EPB41L4A: variants seen among roughly 807,000 people sequenced by gnomAD.
EPB41L4A encodes the protein band 4.1-like protein 4A.
Under a neutral mutation model 108.6 loss-of-function variants are expected in EPB41L4A, and 100 were observed. The ratio of observed to expected loss-of-function variants is 0.92; its 90% CI spans 0.78 to 1.09. EPB41L4A has a LOEUF of 1.09. Among genes scored for constraint, EPB41L4A ranks in the 50% least tolerant of loss-of-function variants. The pLI is 0.00. For missense variants in EPB41L4A, 1,030 were observed against 842.7 expected, an observed-to-expected ratio of 1.22 and a Z score of -2.75; for synonymous variants, 319 against 289.0, an observed-to-expected ratio of 1.10 and a Z score of -1.05.
intron 1 of EPB41L4A, among the ~76,000 whole-genome samples, chr5:112,380,514 CT>C (rs1561625292): frequency 1.3e-5 from 2 of 152,038 alleles, no homozygotes; most frequent in Non-Finnish European, 2.9e-5. Flanking sequence ...CATAATGCTA[CT>C]GCTTAAAAAT....
intron 2 of EPB41L4A, among the ~76,000 whole-genome samples, chr5:112,281,834 T>C (rs988124880): frequency 6.6e-6 from 1 of 152,204 alleles, no homozygotes; most frequent in African/African-American, 2.4e-5. Context: ...ACTATGACTA[T>C]GAATACAACT....
At chr5:112,262,939 C>T (rs1353719309) in intron 6 of EPB41L4A, among the ~76,000 whole-genome samples, 1 of 152,088 alleles carries the variant, frequency 6.6e-6, no homozygotes, top group East Asian at 1.9e-4. Context: ...CTCTGTGCAC[C>T]AGCAGCTCTC....
intron 2 of EPB41L4A, among the ~76,000 whole-genome samples, chr5:112,296,453 G>A (rs1390757495): frequency 1.3e-4 from 19 of 151,978 alleles, no homozygotes. Context: ...AAACCCAACT[G>A]AATGGTCTGA....
chr5:112,324,151 C>A (rs1455144487), intron 1 of EPB41L4A, among the ~76,000 whole-genome samples: 2 of 152,096 alleles, frequency 1.3e-5, no homozygotes, highest in Non-Finnish European at 2.9e-5. Context: ...CAGGAATTTA[C>A]AATTTAACTA....
At chr5:112,348,691 A>G (rs1217617906) in intron 1 of EPB41L4A, among the ~76,000 whole-genome samples, 1 of 152,178 alleles carries the variant, frequency 6.6e-6, no homozygotes, top group African/African-American at 2.4e-5. Context: ...GAGAAAACGA[A>G]CCTCAACAGT....
chr5:112,235,778 G>A (rs1749285953), intron 11 of EPB41L4A, among the ~76,000 whole-genome samples: 1 of 152,142 alleles, frequency 6.6e-6, no homozygotes, highest in African/African-American at 2.4e-5. Context: ...GGCTAAGTTG[G>A]GACGTGTGGT....
chr5:112,271,970 T>C (rs1430087117), intron 4 of EPB41L4A, among the ~76,000 whole-genome samples: 1 of 152,102 alleles, frequency 6.6e-6, no homozygotes, highest in African/African-American at 2.4e-5. Flanking sequence ...AAGCGGGGAC[T>C]CCAAGTTGAT....
chr5:112,238,767 G>A (rs1035052806), intron 11 of EPB41L4A, among the ~76,000 whole-genome samples: 24 of 152,160 alleles, frequency 1.6e-4, no homozygotes, highest in African/African-American at 5.6e-4. Flanking sequence ...GCAGAAGTGG[G>A]TAGATCTGAT....
At chr5:112,281,355 G>C (rs746823421) in intron 2 of EPB41L4A, among the ~76,000 whole-genome samples, 13 of 152,208 alleles carry the variant, frequency 8.5e-5, no homozygotes, top group Non-Finnish European at 1.6e-4. Context: ...AATTATCGAA[G>C]GAAAGAGATG....
At position 112,162,625 on chromosome 5, in the gene EPB41L4A, G is replaced by C. The variant is rs897335850; in HGVS notation, c.*2365C>G. 6.6e-6 allele frequency: 1 copy of C among 152,138 alleles called. No homozygotes were observed. Among genetic ancestry groups the C allele is most frequent in the East Asian group, 1.9e-4 (1 of 5,194 alleles). The allele number at this position is 152,138 out of a possible 1,614,324, so 9.4% of individuals were successfully genotyped here. A position where few individuals can be genotyped will look rare whatever the true frequency, so the allele number is the denominator to read the frequency against. On this transcript the variant is annotated 3_prime_UTR_variant, in exon 23 of 23. Transcript: ENST00000261486. ...CAGGAAACGACAAATAATGTATAGA[G>C]GTATTCAAAAAATTTATTGAAAGCA...
At position 112,256,419 on chromosome 5, in the gene EPB41L4A, G is replaced by C. The variant is rs140104456; in HGVS notation, c.795+2810C>G. ...TTGAAGGAATAAATTATTTTCATTT[G>C]CAAGTGATATACCTATAAAAATTTA... On this transcript the variant is annotated intron_variant, in intron 9 of 22. Coordinates refer to ENST00000261486, the MANE Select transcript of EPB41L4A (RefSeq NM_022140.5). Among the ~76,000 whole-genome samples the C allele has an allele frequency of 8.2e-4, 125 of 152,160 alleles. 1 individual carries two copies. Among genetic ancestry groups the C allele is most frequent in the Admixed American group, 6.7e-3 (102 of 15,258 alleles).
chr5:112,252,432 A>T (rs926806841), intron 9 of EPB41L4A, among the ~76,000 whole-genome samples: 2 of 152,178 alleles, frequency 1.3e-5, no homozygotes, highest in Non-Finnish European at 2.9e-5. Flanking sequence ...GGGTAGGGAC[A>T]GGGTTGATAC....
intron 9 of EPB41L4A, among the ~76,000 whole-genome samples, chr5:112,246,844 C>T (rs185268546): frequency 1.3e-5 from 2 of 152,228 alleles, no homozygotes; most frequent in East Asian, 1.9e-4. Context: ...TTCCCTACCC[C>T]CCTCTTACAT....
At chr5:112,246,157 G>A (rs555319244) in intron 9 of EPB41L4A, among the ~76,000 whole-genome samples, 3 of 152,250 alleles carry the variant, frequency 2.0e-5, no homozygotes, top group Non-Finnish European at 4.4e-5. Flanking sequence ...TCAGAAGATA[G>A]GAGCCCTTAG....
chr5:112,234,505 A>G, intron 12 of EPB41L4A, 129 bp downstream of exon 12: 2 of 810,550 alleles, frequency 2.5e-6, no homozygotes, highest in Non-Finnish European at 3.5e-6. Context: ...TTCTAATATT[A>G]GAAAATTTTA....
intron 1 of EPB41L4A, among the ~76,000 whole-genome samples, chr5:112,321,005 A>G (rs1007326729): frequency 1.3e-5 from 2 of 152,232 alleles, no homozygotes; most frequent in African/African-American, 4.8e-5. Context: ...TGAAAGGTTG[A>G]AAGAAAGGGT....
intron 22 of EPB41L4A, among the ~76,000 whole-genome samples, chr5:112,167,109 A>C (rs1426011173): frequency 7.0e-6 from 1 of 143,338 alleles, no homozygotes; most frequent in Non-Finnish European, 1.5e-5. Context: ...ATTGAAACCA[A>C]CTAAAATTTA....
At chr5:112,376,124 A>G (rs905918677) in intron 1 of EPB41L4A, among the ~76,000 whole-genome samples, 1 of 152,256 alleles carries the variant, frequency 6.6e-6, no homozygotes, top group African/African-American at 2.4e-5. Flanking sequence ...CAAACTACAT[A>G]TCCAAAGAGA....
intron 9 of EPB41L4A, among the ~76,000 whole-genome samples, chr5:112,244,433 G>C (rs774046940): frequency 5.9e-5 from 9 of 152,140 alleles, no homozygotes; most frequent in African/African-American, 2.2e-4. Flanking sequence ...GTGGGTTAAG[G>C]GGTGGAAAGT....
Sources: allele counts gnomAD v4.1 joint callset (sites outside exome capture counted in the v4.1 genomes callset), GRCh38; gene constraint gnomAD v4.1.1; transcripts MANE v1.5; gene names NCBI Gene and HGNC (gene_info 2026-07-23, HGNC 2026-07-21).